PDCL2: variants seen among roughly 807,000 people sequenced by gnomAD.
The protein encoded by PDCL2 is phosducin-like protein 2.
In PDCL2, 23 loss-of-function variants were observed where a neutral mutation model predicts 30.3. The observed-to-expected ratio is 0.76, with a 90% CI of 0.55 to 1.08. The LOEUF (loss-of-function observed/expected upper bound fraction) is 1.08, where lower values mean the gene tolerates loss of function less well. Among genes scored for constraint, PDCL2 ranks in the 50% least tolerant of loss-of-function variants. PDCL2 has a pLI of 0.00. For synonymous variants in PDCL2, 68 were observed against 86.2 expected (o/e 0.79, Z 1.17); for missense variants, 243 against 282.3 (o/e 0.86, Z 1.00).
intron 5 of PDCL2, among the ~76,000 whole-genome samples, chr4:55,561,789 G>T (rs73819642): frequency 0.043 from 6,534 of 152,092 alleles, 446 homozygotes; most frequent in African/African-American, 0.15. Flanking sequence ...GTAATAGGAG[G>T]CATGGTCCAT....
At chr4:55,584,466 A>C (rs144376934) in intron 1 of PDCL2, among the ~76,000 whole-genome samples, 282 of 152,238 alleles carry the variant, frequency 1.9e-3, no homozygotes, top group African/African-American at 6.4e-3. Flanking sequence ...CATGTTGGCC[A>C]GGCTGGTCTC....
intron 5 of PDCL2, among the ~76,000 whole-genome samples, chr4:55,560,585 C>T (rs898864933): frequency 6.6e-6 from 1 of 152,170 alleles, no homozygotes; most frequent in African/African-American, 2.4e-5. Context: ...CACTGCACTC[C>T]AGCCTGGGTG....
At chr4:55,574,350 C>T (rs1177363773) in intron 3 of PDCL2, among the ~76,000 whole-genome samples, 1 of 152,136 alleles carries the variant, frequency 6.6e-6, no homozygotes, top group Non-Finnish European at 1.5e-5. Context: ...CCAGCTTGCC[C>T]TGCAGTTGGA....
chr4:55,590,165 C>CCAGCCTGG (rs1560506865), intron 1 of PDCL2, among the ~76,000 whole-genome samples: 1 of 126,724 alleles, frequency 7.9e-6, no homozygotes, highest in African/African-American at 3.1e-5. Flanking sequence ...CCACTGTACT[C>CCAGCCTGG]CAGCCTGGAT....
intron 3 of PDCL2, among the ~76,000 whole-genome samples, chr4:55,579,974 A>G (rs1221379972): frequency 6.6e-6 from 1 of 151,964 alleles, no homozygotes; most frequent in Non-Finnish European, 1.5e-5. Flanking sequence ...CAGCCTCCAG[A>G]GTAGCTGGGA....
chr4:55,583,124 C>T (rs1380426987), intron 1 of PDCL2, among the ~76,000 whole-genome samples: 2 of 152,056 alleles, frequency 1.3e-5, no homozygotes, highest in East Asian at 1.9e-4. Flanking sequence ...TACAGGCTTG[C>T]TCCACCAGGC....
intron 3 of PDCL2, among the ~76,000 whole-genome samples, chr4:55,572,313 A>T (rs991738949): frequency 2.0e-5 from 3 of 152,242 alleles, no homozygotes; most frequent in Admixed American, 6.5e-5. Flanking sequence ...AAGAAGGAGC[A>T]GGCTCTAGAC....
chr4:55,574,948 T>G (rs1459907786), intron 3 of PDCL2, among the ~76,000 whole-genome samples: 1 of 152,248 alleles, frequency 6.6e-6, no homozygotes, highest in Non-Finnish European at 1.5e-5. Context: ...CTGGGTCATA[T>G]GCTAACTTTA....
In PDCL2 at chr4:55,582,258, A is replaced by C. The variant is rs761254410; in HGVS notation, c.7-21T>G. On this transcript the variant is annotated intron_variant, in intron 1 of 5. Transcript: ENST00000295645. ...GGATCCTACACAAAAAGAAAAGAAA[A>C]GAAAATTAACATGGTTGTACACTTT... is the stretch of plus-strand genomic sequence containing the variant. 3 of 1,577,288 alleles carry C rather than the reference A, an allele frequency of 1.9e-6. No homozygotes were observed. In the African/African-American group the frequency reaches 4.1e-5, roughly 22 times the overall value.
At chr4:55,590,329 T>A (rs889516420) in intron 1 of PDCL2, among the ~76,000 whole-genome samples, 6 of 148,302 alleles carry the variant, frequency 4.0e-5, no homozygotes, top group Non-Finnish European at 8.9e-5. Flanking sequence ...AAAAAAAAAA[T>A]TAACTGTGTA....
intron 5 of PDCL2, among the ~76,000 whole-genome samples, chr4:55,560,302 T>C (rs1283262275): frequency 6.6e-6 from 1 of 151,992 alleles, no homozygotes; most frequent in African/African-American, 2.4e-5. Flanking sequence ...TTATCTGCAA[T>C]GTGTTTTTAA....
intron 3 of PDCL2, among the ~76,000 whole-genome samples, chr4:55,575,298 C>G (rs1732534940): frequency 6.6e-6 from 1 of 151,152 alleles, no homozygotes; most frequent in African/African-American, 2.4e-5. Flanking sequence ...TTGGAGAGTT[C>G]CAAAAGCAGA....
chr4:55,566,433 T>TTC (rs1732271889), intron 4 of PDCL2, among the ~76,000 whole-genome samples: 1 of 149,188 alleles, frequency 6.7e-6, no homozygotes. Context: ...TTTTCTCTTT[T>TTC]TTTTTTTTTT....
rs149888915 is a variant in PDCL2 at position 55,576,932 on chromosome 4, C to T, written c.218+3889G>A. Among the ~76,000 whole-genome samples, 198 of 150,554 alleles carry T rather than the reference C, an allele frequency of 1.3e-3. 8 individuals are homozygous for T. The East Asian group carries it at 0.037, about 28-fold the overall frequency. ...TTTTTTTTTGAGACGGAGTCTTGCT[C>T]TGTCGCCCAGGCTGGAGTGCAGTGG... On this transcript the variant is annotated intron_variant, in intron 3 of 5. Coordinates refer to ENST00000295645, the MANE Select transcript of PDCL2 (RefSeq NM_152401.3).
At chr4:55,569,256 T>C (rs1399745006) in intron 4 of PDCL2, among the ~76,000 whole-genome samples, 7 of 152,188 alleles carry the variant, frequency 4.6e-5, no homozygotes, top group Non-Finnish European at 1.0e-4. Context: ...TGAAGGTGCA[T>C]GCTGAAGTAC....
chr4:55,583,905 T>C (rs370553461), intron 1 of PDCL2, among the ~76,000 whole-genome samples: 1 of 152,224 alleles, frequency 6.6e-6, no homozygotes, highest in Non-Finnish European at 1.5e-5. Flanking sequence ...TGTAGTGCCA[T>C]ATGGATTTTA....
chr4:55,577,524 C>T (rs1226697556), intron 3 of PDCL2, among the ~76,000 whole-genome samples: 3 of 152,180 alleles, frequency 2.0e-5, no homozygotes, highest in South Asian at 4.1e-4. Context: ...CCTCTGGCAA[C>T]CAGCCCTCAT....
chr4:55,567,284 A>G (rs1732291846), intron 4 of PDCL2, among the ~76,000 whole-genome samples: 1 of 152,206 alleles, frequency 6.6e-6, no homozygotes, highest in African/African-American at 2.4e-5. Context: ...TGTAATCTCA[A>G]TACTCTGGGA....
intron 1 of PDCL2, among the ~76,000 whole-genome samples, chr4:55,587,669 C>G (rs1732899509): frequency 6.6e-6 from 1 of 151,840 alleles, no homozygotes; most frequent in Non-Finnish European, 1.5e-5. Context: ...GATTCTCCTG[C>G]TTCAGCCTCC....
Sources: gnomAD v4.1 joint callset for allele counts (sites outside exome capture counted in the v4.1 genomes callset) on GRCh38, gnomAD v4.1.1 for gene constraint, MANE v1.5 for transcripts, NCBI Gene and HGNC (gene_info 2026-07-23, HGNC 2026-07-21) for gene names.